Variants in UBR3 observed in about 807,000 individuals in gnomAD.
The protein encoded by UBR3 is E3 ubiquitin-protein ligase UBR3.
Under a neutral mutation model 243.2 loss-of-function variants are expected in UBR3, and 85 were observed. That is an observed-to-expected ratio of 0.35 (90% confidence interval 0.29 to 0.42). UBR3 has a LOEUF of 0.42. Ranked by LOEUF, UBR3 falls within the 10% of genes least tolerant of loss-of-function variation. The probability of loss-of-function intolerance (pLI) is 1.00; values close to 1 mark genes in which losing one functional copy is unlikely to be tolerated. For synonymous variants in UBR3, 748 were observed against 799.8 expected, an observed-to-expected ratio of 0.94 and a Z score of 1.09; for missense variants, 1,686 against 2,300.8, an observed-to-expected ratio of 0.73 and a Z score of 5.47.
At chr2:170,064,213 G>A (rs977256703) in intron 35 of UBR3, among the ~76,000 whole-genome samples, 1 of 151,976 alleles carries the variant, frequency 6.6e-6, no homozygotes, top group African/African-American at 2.4e-5. Context: ...TCTTCATTCT[G>A]TTTTTAAGCA....
intron 31 of UBR3, among the ~76,000 whole-genome samples, chr2:170,030,773 T>C (rs188766120): frequency 1.1e-3 from 171 of 152,256 alleles, no homozygotes; most frequent in Non-Finnish European, 2.1e-3. Context: ...TTCCTCAATA[T>C]TTAAAGACTG....
chr2:169,866,719 G>A (rs1258990150), intron 1 of UBR3, among the ~76,000 whole-genome samples: 3 of 152,166 alleles, frequency 2.0e-5, no homozygotes, highest in African/African-American at 7.2e-5. Context: ...ACCTTAAGGT[G>A]TAATGCTTCC....
intron 2 of UBR3, among the ~76,000 whole-genome samples, chr2:169,875,122 T>C (rs1359824690): frequency 6.6e-6 from 1 of 152,198 alleles, no homozygotes; most frequent in Non-Finnish European, 1.5e-5. Context: ...ATCTGTATTT[T>C]TGGAATATTA....
intron 6 of UBR3, among the ~76,000 whole-genome samples, chr2:169,892,084 G>A (rs576310125): frequency 1.3e-5 from 2 of 152,302 alleles, no homozygotes; most frequent in Admixed American, 6.5e-5. Flanking sequence ...TAGAAAGGTG[G>A]AATATGCAGG....
chr2:169,959,100 C>T (rs1279284360), intron 24 of UBR3, among the ~76,000 whole-genome samples: 4 of 149,528 alleles, frequency 2.7e-5, no homozygotes, highest in African/African-American at 1.0e-4. Flanking sequence ...TCCATTCCAG[C>T]AAATTTTTTT....
At chr2:170,031,234 T>C (rs1359324114) in intron 31 of UBR3, among the ~76,000 whole-genome samples, 1 of 152,168 alleles carries the variant, frequency 6.6e-6, no homozygotes, top group Non-Finnish European at 1.5e-5. Context: ...TGCGCACCAC[T>C]GCACCCAGCT....
At chr2:169,856,283 G>A in intron 1 of UBR3, among the ~76,000 whole-genome samples, 1 of 151,678 alleles carries the variant, frequency 6.6e-6, no homozygotes, top group East Asian at 1.9e-4. Flanking sequence ...TGGGCAGCCG[G>A]GCAGAGACGC....
intron 23 of UBR3, among the ~76,000 whole-genome samples, chr2:169,953,986 A>T (rs2087151656): frequency 6.6e-6 from 1 of 152,156 alleles, no homozygotes; most frequent in African/African-American, 2.4e-5. Context: ...TGTGGCAAAT[A>T]TTTGTCCTTT....
At chr2:169,964,739 T>A (rs2087731473) in intron 24 of UBR3, 2 of 391,540 alleles carry the variant, frequency 5.1e-6, no homozygotes, top group Non-Finnish European at 5.1e-6. Flanking sequence ...TACAGCTCAG[T>A]TATAGTCAAG....
At chr2:170,025,742 A>G (rs978374802) in intron 30 of UBR3, among the ~76,000 whole-genome samples, 14 of 152,192 alleles carry the variant, frequency 9.2e-5, no homozygotes, top group Admixed American at 6.6e-4. Flanking sequence ...CATAAGAGGC[A>G]GAACCAATGG....
At chr2:169,890,553 A>ATATATG (rs2084309050) in intron 5 of UBR3, among the ~76,000 whole-genome samples, 1 of 96,418 alleles carries the variant, frequency 1.0e-5, no homozygotes, top group African/African-American at 5.3e-5. Context: ...ATATATATAT[A>ATATATG]TATATATATA....
intron 24 of UBR3, among the ~76,000 whole-genome samples, chr2:169,977,343 T>A (rs1482636384): frequency 6.6e-6 from 1 of 152,148 alleles, no homozygotes; most frequent in Non-Finnish European, 1.5e-5. Flanking sequence ...CTGGGGAGAA[T>A]TGGCTTACAT....
chr2:170,057,609 TCTAA>T lies in UBR3; in HGVS notation c.4785+2029_4785+2032del, dbSNP rs1382560363. Among the ~76,000 whole-genome samples the T allele has an allele frequency of 2.6e-5, 4 of 152,164 alleles. No homozygotes were observed. In the East Asian group the frequency reaches 7.7e-4, roughly 29 times the overall value. ...AAGAAATTTGCTGATAAAATTTGGG[TCTAA>T]CTATTTACAATTGTAAATCTATGAA... On this transcript the variant is annotated intron_variant, in intron 33 of 38. Transcript: ENST00000272793.
chr2:169,987,276 C>T (rs538078322), intron 25 of UBR3, among the ~76,000 whole-genome samples: 41 of 151,622 alleles, frequency 2.7e-4, no homozygotes, highest in African/African-American at 9.9e-4. Context: ...GCCTGTAATC[C>T]CAGCTATTTG....
In UBR3 at chr2:170,073,487, A is replaced by G; in HGVS notation, c.5079A>G (p.Gln1693=). 1 of 1,613,836 alleles carries G rather than the reference A, an allele frequency of 6.2e-7. No individual in the cohort carries two copies. Among genetic ancestry groups the G allele is most frequent in the East Asian group, 2.2e-5 (1 of 44,860 alleles). Residue 1693 remains glutamine, a synonymous_variant, in exon 36 of 39, where the codon CAA becomes CAG. Transcript: ENST00000272793. Reference sequence around the variant, plus strand: ...TGGGACTTCTGCCAACGTTTTACCAAACAGAACATCCATTCATCAGTGCCT... The same window carrying G: ...TGGGACTTCTGCCAACGTTTTACCAGACAGAACATCCATTCATCAGTGCCT... ...SCLGLLPTFY[Q]TEHPFISASC...
intron 5 of UBR3, among the ~76,000 whole-genome samples, chr2:169,888,109 C>CTTTATTTATTTATTTA (rs139609742): frequency 3.5e-4 from 49 of 138,766 alleles, no homozygotes; most frequent in African/African-American, 8.4e-4. Flanking sequence ...TGTGTTATGA[C>CTTTATTTATTTATTTA]TTTATTTATT....
At position 170,051,799 on chromosome 2, in the gene UBR3, T is replaced by C. The variant is rs576728802; in HGVS notation, c.4661-3661T>C. On this transcript the variant is annotated intron_variant, in intron 32 of 38. Coordinates refer to ENST00000272793, the MANE Select transcript of UBR3 (RefSeq NM_172070.4). ...CAAATTCTGTAATGTCTGTCACTTATTAAAATATTTCATTAAATGATGGAA... is the reference window on the plus strand; with the variant it reads ...CAAATTCTGTAATGTCTGTCACTTACTAAAATATTTCATTAAATGATGGAA... 2.0e-5 allele frequency among the ~76,000 whole-genome samples: 3 copies of C among 152,356 alleles called. 1 individual carries two copies. The highest frequency in any genetic ancestry group is 4.1e-4 in the South Asian group (2 of 4,832).
chr2:169,857,526 C>T (rs564546453), intron 1 of UBR3, among the ~76,000 whole-genome samples: 18 of 151,968 alleles, frequency 1.2e-4, no homozygotes, highest in African/African-American at 4.3e-4. Flanking sequence ...AAGCGTTCCT[C>T]CTGCCTCAGC....
At chr2:169,916,260 A>T (rs575451757) in intron 11 of UBR3, among the ~76,000 whole-genome samples, 179 of 152,280 alleles carry the variant, frequency 1.2e-3, no homozygotes, top group African/African-American at 4.2e-3. Context: ...GAGTTATTCT[A>T]GTTTTCTTCA....
Sources: gnomAD v4.1 joint callset for allele counts (sites outside exome capture counted in the v4.1 genomes callset) on GRCh38, gnomAD v4.1.1 for gene constraint, MANE v1.5 for transcripts, NCBI Gene and HGNC (gene_info 2026-07-23, HGNC 2026-07-21) for gene names.